Variants in IQSEC1 observed in about 807,000 individuals in gnomAD.
IQSEC1 encodes IQ motif and SEC7 domain-containing protein 1.
In IQSEC1, 31 loss-of-function variants were observed where a neutral mutation model predicts 91.0. The ratio of observed to expected loss-of-function variants is 0.34; its 90% CI spans 0.26 to 0.46. The LOEUF is 0.46. Ranked by LOEUF, IQSEC1 falls within the 20% of genes least tolerant of loss-of-function variation. The pLI is 1.00. For synonymous variants in IQSEC1, 699 were observed against 662.6 expected (o/e 1.05, Z -0.84); for missense variants, 1,388 against 1,575.6 (o/e 0.88, Z 2.02).
In IQSEC1 at chr3:12,901,150, G is replaced by A. The variant is rs1326662643; in HGVS notation, c.3178C>T (p.His1060Tyr). The A allele has an allele frequency of 6.5e-7, 1 of 1,543,206 alleles. No homozygotes were observed. Reference sequence around the variant, plus strand: ...GCTGGGTGGCCCCCATGGGGGCCGTGGTGGTACTGGTGTGCGTGCTGGATG... The same window carrying A: ...GCTGGGTGGCCCCCATGGGGGCCGTAGTGGTACTGGTGTGCGTGCTGGATG... ...QHIQHAHQYH[H>Y]GPHGGHPAYG... The change falls in exon 14 of 14, where the codon CAC becomes TAC. Residue 1060 changes from histidine (H) to tyrosine (Y), a missense_variant. Physicochemically the swap from His to Tyr is moderately conservative, Grantham distance 83 (BLOSUM62 2). Coordinates refer to ENST00000613206, the MANE Select transcript of IQSEC1 (RefSeq NM_001134382.3).
At chr3:12,944,245 G>A (rs1223425106) in intron 1 of IQSEC1, among the ~76,000 whole-genome samples, 3 of 152,246 alleles carry the variant, frequency 2.0e-5, no homozygotes, top group Non-Finnish European at 4.4e-5. Context: ...TGGACCTGGT[G>A]TGTGTGCCTT....
chr3:13,248,687 T>C (rs1221186375), intron 1 of IQSEC1, among the ~76,000 whole-genome samples: 4 of 152,208 alleles, frequency 2.6e-5, no homozygotes, highest in African/African-American at 9.6e-5. Context: ...TAAGTATAAA[T>C]CTTGGGATAG....
At chr3:12,956,385 C>T (rs935510381) in intron 1 of IQSEC1, among the ~76,000 whole-genome samples, 2 of 152,212 alleles carry the variant, frequency 1.3e-5, no homozygotes, top group Non-Finnish European at 2.9e-5. Context: ...AGAACTCCCA[C>T]AGCTCTGCAT....
intron 2 of IQSEC1, among the ~76,000 whole-genome samples, chr3:13,102,393 G>A (rs1225672738): frequency 6.6e-6 from 1 of 152,108 alleles, no homozygotes; most frequent in East Asian, 1.9e-4. Context: ...CCAGCCCCAT[G>A]TTGGGGCTGC....
chr3:13,108,731 C>T (rs1706193559), intron 2 of IQSEC1, among the ~76,000 whole-genome samples: 1 of 152,132 alleles, frequency 6.6e-6, no homozygotes, highest in Non-Finnish European at 1.5e-5. Flanking sequence ...TTTGGGTCTG[C>T]TTAGCATGGA....
At chr3:13,191,322 C>A (rs1428507432) in intron 1 of IQSEC1, among the ~76,000 whole-genome samples, 1 of 152,154 alleles carries the variant, frequency 6.6e-6, no homozygotes, top group African/African-American at 2.4e-5. Flanking sequence ...GGGCATCTTC[C>A]TCATGCTGCC....
At chr3:13,123,738 T>G (rs140544062) in intron 2 of IQSEC1, among the ~76,000 whole-genome samples, 1 of 151,908 alleles carries the variant, frequency 6.6e-6, no homozygotes, top group African/African-American at 2.4e-5. Flanking sequence ...CACTGCAAGG[T>G]GGGAAAGGAA....
chr3:12,987,326 C>CTG (rs1190248544), intron 1 of IQSEC1, among the ~76,000 whole-genome samples: 1 of 152,210 alleles, frequency 6.6e-6, no homozygotes, highest in Non-Finnish European at 1.5e-5. Flanking sequence ...ATGGTACGTG[C>CTG]TGGGGGCAGT....
intron 1 of IQSEC1, among the ~76,000 whole-genome samples, chr3:13,253,858 C>G (rs1267303889): frequency 6.6e-6 from 1 of 152,156 alleles, no homozygotes; most frequent in African/African-American, 2.4e-5. Context: ...TCAAATGGCT[C>G]TGATACCCGG....
chr3:12,908,443 T>G lies in IQSEC1; in HGVS notation c.2661A>C (p.Thr887=), dbSNP rs1467891629. The G allele has an allele frequency of 6.2e-7, 1 of 1,613,422 alleles. No homozygotes were observed. Among genetic ancestry groups the G allele is most frequent in the Non-Finnish European group, 8.5e-7 (1 of 1,180,040 alleles). Residue 887 remains threonine, a synonymous_variant, in exon 12 of 14, where the codon ACA becomes ACC. Transcript: ENST00000613206. This position sits in a 1 kb window ranked among gnomAD's most constrained non-coding sequence, Gnocchi z 4.9. The part of the protein sequence containing the change: ...SSLKKESGNG[T]LSRACLDDSY... ...TGTCGTCCAGGCAGGCCCGGCTCAGTGTTCCGTTGCCCGACTCCTTTTTGA... is the reference window on the plus strand; with the variant it reads ...TGTCGTCCAGGCAGGCCCGGCTCAGGGTTCCGTTGCCCGACTCCTTTTTGA...
chr3:13,063,087 A>G (rs1187962572), intron 1 of IQSEC1, among the ~76,000 whole-genome samples: 2 of 152,222 alleles, frequency 1.3e-5, no homozygotes, highest in Non-Finnish European at 2.9e-5. Context: ...TGGGATGCAC[A>G]GGGGAGGGAG....
rs148989420 is a variant in IQSEC1 at position 13,027,134 on chromosome 3, C to T, written c.23+45858G>A. Among the ~76,000 whole-genome samples the T allele has an allele frequency of 3.3e-5, 5 of 152,244 alleles. No individual in the cohort carries two copies. The East Asian group carries it at 7.7e-4, about 23-fold the overall frequency. ...GATCCCCCTTCTCAAGAAGCATTGGCCTTTTGAGGATGGGTGCTGGAATGC... is the reference window on the plus strand; with the variant it reads ...GATCCCCCTTCTCAAGAAGCATTGGTCTTTTGAGGATGGGTGCTGGAATGC... On this transcript the variant is annotated intron_variant, in intron 1 of 13. Coordinates refer to ENST00000613206, the MANE Select transcript of IQSEC1 (RefSeq NM_001134382.3).
At chr3:13,278,576 TGGGAGGCCAAG>T (rs541970822) in intron 1 of IQSEC1, among the ~76,000 whole-genome samples, 1 of 152,120 alleles carries the variant, frequency 6.6e-6, no homozygotes, top group South Asian at 2.1e-4. Context: ...CCCAGCACTT[TGGGAGGCCAAG>T]GCAGGTGGAT....
At chr3:12,928,403 G>T (rs535443580) in intron 3 of IQSEC1, among the ~76,000 whole-genome samples, 88 of 152,346 alleles carry the variant, frequency 5.8e-4, no homozygotes, top group African/African-American at 2.0e-3. Flanking sequence ...GGCCGGTGAT[G>T]AAGAGCTCGC....
At chr3:13,224,145 G>A (rs1694710922) in intron 1 of IQSEC1, among the ~76,000 whole-genome samples, 1 of 152,138 alleles carries the variant, frequency 6.6e-6, no homozygotes, top group African/African-American at 2.4e-5. Flanking sequence ...ACACAATCCA[G>A]GGCCGGTGCA....
In IQSEC1 at chr3:12,901,353, A is replaced by AGGGCTG. The variant is rs768743841; in HGVS notation, c.2969_2974dup (p.Pro990_Ala991dup). 7 of 1,363,132 alleles carry AGGGCTG rather than the reference A, an allele frequency of 5.1e-6. No individual in the cohort carries two copies. In the South Asian group the frequency reaches 7.4e-5, roughly 14 times the overall value. 84.4% of individuals were successfully genotyped at this position (1,363,132 alleles called of 1,614,324 possible). On this transcript the variant is annotated inframe_insertion, in exon 14 of 14. Transcript: ENST00000613206. Reference sequence around the variant, plus strand: ...GACCACCGGTGGGTGGGGGGGTGGCAGGGCTGGGGCTGAGGGCAGGTGGGC... The same window carrying AGGGCTG: ...GACCACCGGTGGGTGGGGGGGTGGCAGGGCTGGGGCTGGGGCTGAGGGCAGGTGGGC...
intron 1 of IQSEC1, among the ~76,000 whole-genome samples, chr3:12,965,534 G>A (rs1319507181): frequency 3.9e-5 from 6 of 152,216 alleles, no homozygotes; most frequent in East Asian, 3.8e-4. Flanking sequence ...AGGCTGATGC[G>A]TGAACTATGG....
chr3:13,147,763 G>C (rs534083037), intron 2 of IQSEC1, among the ~76,000 whole-genome samples: 25 of 152,300 alleles, frequency 1.6e-4, no homozygotes, highest in African/African-American at 5.8e-4. Flanking sequence ...CTCCCAAGTA[G>C]CTGGTACCAC....
intron 12 of IQSEC1, among the ~76,000 whole-genome samples, chr3:12,903,933 C>T (rs1309887026): frequency 6.6e-6 from 1 of 152,222 alleles, no homozygotes; most frequent in African/African-American, 2.4e-5. Flanking sequence ...AGGGTTCACA[C>T]CCAGACCTGC....
Sources: gnomAD v4.1 joint callset for allele counts (sites outside exome capture counted in the v4.1 genomes callset) on GRCh38, gnomAD v4.1.1 for gene constraint, Gnocchi (gnomAD v3.1) non-coding constraint, MANE v1.5 for transcripts, NCBI Gene and HGNC (gene_info 2026-07-23, HGNC 2026-07-21) for gene names.